The following NPAS2 variants were observed in gnomAD, a reference collection of about 807,000 sequenced individuals.
The protein encoded by NPAS2 is neuronal PAS domain protein 2.
Under a neutral mutation model 107.5 loss-of-function variants are expected in NPAS2, and 23 were observed. The ratio of observed to expected loss-of-function variants is 0.21; its 90% CI spans 0.15 to 0.30. The LOEUF (loss-of-function observed/expected upper bound fraction) is 0.30. Ranked by LOEUF, NPAS2 falls within the 10% of genes least tolerant of loss-of-function variation. NPAS2 has a pLI of 1.00. For synonymous variants in NPAS2, 403 were observed against 417.5 expected (o/e 0.97, Z 0.42); for missense variants, 756 against 1,043.3 (o/e 0.72, Z 3.79).
chr2:100,848,453 C>T (rs1677927444), intron 1 of NPAS2, among the ~76,000 whole-genome samples: 1 of 152,036 alleles, frequency 6.6e-6, no homozygotes, highest in Non-Finnish European at 1.5e-5. Flanking sequence ...ACTCATGAAA[C>T]AGGGAGGATT....
intron 15 of NPAS2, among the ~76,000 whole-genome samples, chr2:100,978,330 A>C (rs1677164579): frequency 6.6e-6 from 1 of 152,172 alleles, no homozygotes; most frequent in Non-Finnish European, 1.5e-5. Context: ...GCAGAAGTCC[A>C]GAGTCTGTTT....
intron 3 of NPAS2, among the ~76,000 whole-genome samples, chr2:100,925,778 A>G (rs897647785): frequency 3.3e-5 from 5 of 152,170 alleles, no homozygotes; most frequent in Non-Finnish European, 5.9e-5. Context: ...TGTCACATTC[A>G]TTCTGTTTTT....
At chr2:100,889,484 C>G (rs1471284681) in intron 1 of NPAS2, among the ~76,000 whole-genome samples, 3 of 152,182 alleles carry the variant, frequency 2.0e-5, no homozygotes, top group African/African-American at 7.2e-5. Context: ...GACCTATGAT[C>G]CCCACATCCC....
chr2:100,919,678 GA>G (rs1326930349), intron 2 of NPAS2, among the ~76,000 whole-genome samples: 1 of 152,106 alleles, frequency 6.6e-6, no homozygotes, highest in Non-Finnish European at 1.5e-5. Flanking sequence ...TACCATTCAC[GA>G]CTGCGCCGTC....
intron 1 of NPAS2, among the ~76,000 whole-genome samples, chr2:100,852,887 A>G (rs1384724019): frequency 2.0e-5 from 3 of 152,132 alleles, no homozygotes; most frequent in African/African-American, 7.2e-5. Context: ...ATAAAATAAA[A>G]TAAATAAAAG....
chr2:100,952,916 A>G (rs1675323821), intron 7 of NPAS2, among the ~76,000 whole-genome samples: 1 of 149,878 alleles, frequency 6.7e-6, no homozygotes. Flanking sequence ...TGGCAAATTT[A>G]AAAGAAAGAG....
At chr2:100,830,568 C>T (rs916725174) in intron 1 of NPAS2, among the ~76,000 whole-genome samples, 1 of 150,922 alleles carries the variant, frequency 6.6e-6, no homozygotes, top group African/African-American at 2.4e-5. Context: ...TGAGAACATG[C>T]GGTGTTTGGT....
intron 1 of NPAS2, among the ~76,000 whole-genome samples, chr2:100,892,289 T>G (rs1024277040): frequency 3.3e-5 from 5 of 152,238 alleles, no homozygotes; most frequent in African/African-American, 7.2e-5. Context: ...ATAACAAATT[T>G]TTCAACTTTC....
chr2:100,967,093 A>G (rs1348638064), intron 10 of NPAS2, among the ~76,000 whole-genome samples: 1 of 152,114 alleles, frequency 6.6e-6, no homozygotes, highest in South Asian at 2.1e-4. Flanking sequence ...CTATTTTAAC[A>G]AGATCCCGAA....
intron 5 of NPAS2, among the ~76,000 whole-genome samples, chr2:100,943,423 G>A (rs1280699529): frequency 6.6e-6 from 1 of 152,104 alleles, no homozygotes; most frequent in Non-Finnish European, 1.5e-5. Flanking sequence ...TTCTTTCCGC[G>A]ATCTGGACAC....
intron 1 of NPAS2, among the ~76,000 whole-genome samples, chr2:100,845,192 G>A (rs1449835649): frequency 3.9e-5 from 6 of 152,172 alleles, no homozygotes; most frequent in African/African-American, 9.7e-5. Context: ...GCAGTGGATC[G>A]GGGTGGAATT....
chr2:100,977,890 C>G (rs1273836342), intron 15 of NPAS2, 91 bp downstream of exon 15: 1 of 1,119,520 alleles, frequency 8.9e-7, no homozygotes, highest in Non-Finnish European at 1.3e-6. Flanking sequence ...AGGTCCCAAC[C>G]AAGGCCCTGA....
intron 1 of NPAS2, among the ~76,000 whole-genome samples, chr2:100,848,046 A>C (rs1677893200): frequency 6.6e-6 from 1 of 152,200 alleles, no homozygotes; most frequent in African/African-American, 2.4e-5. Context: ...AGTGTTGACA[A>C]ATCTGGTATC....
At chr2:100,983,460 C>G (rs981253194) in intron 16 of NPAS2, 1 of 152,662 alleles carries the variant, frequency 6.6e-6, no homozygotes, top group Non-Finnish European at 1.5e-5. Context: ...CAGGGGCACT[C>G]CTGGTGGCTT....
At chr2:100,938,888 C>T (rs1417346729) in intron 5 of NPAS2, among the ~76,000 whole-genome samples, 2 of 152,174 alleles carry the variant, frequency 1.3e-5, no homozygotes, top group Non-Finnish European at 2.9e-5. Flanking sequence ...AAAACCTTCC[C>T]CACCACCCCC....
At chr2:100,873,303 T>TACACACACACAC (rs1553447436) in intron 1 of NPAS2, among the ~76,000 whole-genome samples, 1 of 45,974 alleles carries the variant, frequency 2.2e-5, no homozygotes, top group East Asian at 4.8e-4. Context: ...TATATATATA[T>TACACACACACAC]ATATACACAC....
At position 100,873,366 on chromosome 2, in the gene NPAS2, A is replaced by G. The variant is rs1053275518; in HGVS notation, c.-22-31367A>G. ...CATATATACATACACACATATGTGT[A>G]TATATATATATTTTTTCAAATATAT... On this transcript the variant is annotated intron_variant, in intron 1 of 20. Coordinates refer to ENST00000335681, the MANE Select transcript of NPAS2 (RefSeq NM_002518.4). Among the ~76,000 whole-genome samples, 20 of 139,782 alleles carry G rather than the reference A, an allele frequency of 1.4e-4. No individual in the cohort carries two copies. In the East Asian group the frequency reaches 2.2e-3, roughly 15 times the overall value. 91.7% of individuals were successfully genotyped at this position (139,782 alleles called of 152,430 possible).
intron 1 of NPAS2, among the ~76,000 whole-genome samples, chr2:100,834,598 C>T (rs913752482): frequency 1.3e-5 from 2 of 152,164 alleles, no homozygotes; most frequent in Non-Finnish European, 2.9e-5. Flanking sequence ...GTATGCCAGG[C>T]GGGGTCAGGG....
intron 2 of NPAS2, among the ~76,000 whole-genome samples, chr2:100,920,538 T>G (rs1332863784): frequency 1.3e-5 from 2 of 152,158 alleles, no homozygotes; most frequent in Non-Finnish European, 2.9e-5. Context: ...AATCCCCTAC[T>G]ATGTGTATCC....
Sources: allele counts gnomAD v4.1 joint callset (sites outside exome capture counted in the v4.1 genomes callset), GRCh38; gene constraint gnomAD v4.1.1; transcripts MANE v1.5; gene names NCBI Gene and HGNC (gene_info 2026-07-23, HGNC 2026-07-21).